Variants in MED12L observed in about 807,000 individuals in gnomAD.
MED12L encodes mediator complex subunit 12L.
In MED12L, 60 loss-of-function variants were observed where a neutral mutation model predicts 281.3. That is an observed-to-expected ratio of 0.21 (90% confidence interval 0.17 to 0.26). The LOEUF (loss-of-function observed/expected upper bound fraction) is 0.26. Ranked by LOEUF, MED12L falls within the 10% of genes least tolerant of loss-of-function variation. MED12L has a pLI of 1.00. For missense variants in MED12L, 2,146 were observed against 2,680.9 expected, an observed-to-expected ratio of 0.80 and a Z score of 4.41; for synonymous variants, 974 against 987.2, an observed-to-expected ratio of 0.99 and a Z score of 0.25.
chr3:151,233,502 G>A (rs1373824847), intron 16 of MED12L, among the ~76,000 whole-genome samples: 3 of 152,240 alleles, frequency 2.0e-5, no homozygotes, highest in Admixed American at 2.0e-4. Flanking sequence ...GGGAGGCCGA[G>A]GCTGGCGGGT....
intron 17 of MED12L, among the ~76,000 whole-genome samples, chr3:151,353,427 T>A (rs1024392693): frequency 6.6e-6 from 1 of 152,252 alleles, no homozygotes; most frequent in Admixed American, 6.5e-5. Context: ...GCAGGTTTAA[T>A]GAATTTGTTA....
chr3:151,365,885 C>T lies in MED12L; in HGVS notation c.3221C>T (p.Thr1074Met). 1.2e-6 allele frequency: 2 copies of T among 1,612,356 alleles called. No individual in the cohort carries two copies. Among genetic ancestry groups the T allele is most frequent in the Non-Finnish European group, 1.7e-6 (2 of 1,179,094 alleles). Residue 1074 changes from threonine (T) to methionine (M), a missense_variant, in exon 23 of 45, where the codon ACG becomes ATG. Around this residue, in one of 9 missense-constraint regions of MED12L, gnomAD observed 404 missense variants for 603.5 expected, o/e 0.67. Transcript: ENST00000687756. ...NDIANFSSELTACCTVLSSEW... is the reference protein window; with the variant it reads ...NDIANFSSELMACCTVLSSEW... ...ATAGCCAATTTCTCCTCTGAGCTTA[C>T]GGCTTGCTGCACTGTTCTTAGTTCA...
At chr3:151,200,388 T>C (rs1725376655) in intron 16 of MED12L, among the ~76,000 whole-genome samples, 1 of 152,224 alleles carries the variant, frequency 6.6e-6, no homozygotes, top group South Asian at 2.1e-4. Flanking sequence ...CAGTGTTCTT[T>C]TGTTTTAAAG....
Position 151,433,713 on chromosome 3 carries a change from C to T in MED12L, c.*909C>T, listed in dbSNP as rs1251922661. 6.6e-6 allele frequency: 1 copy of T among 152,640 alleles called. No homozygotes were observed. The highest frequency in any genetic ancestry group is 1.5e-5 in the Non-Finnish European group (1 of 68,046). The allele number at this position is 152,640 out of a possible 1,614,324, so 9.5% of individuals were successfully genotyped here. ...CTGGCTTGAGATTCCAGTGCTCACA[C>T]TTGACATGGTTTCCAGAGAATCTGG... On this transcript the variant is annotated 3_prime_UTR_variant, in exon 45 of 45. Coordinates refer to ENST00000687756, the MANE Select transcript of MED12L (RefSeq NM_001393769.1).
chr3:151,223,588 A>G (rs1729857922), intron 16 of MED12L, among the ~76,000 whole-genome samples: 1 of 152,266 alleles, frequency 6.6e-6, no homozygotes, highest in South Asian at 2.1e-4. Flanking sequence ...ACACAGAAAC[A>G]GAAAACCAAA....
intron 6 of MED12L, among the ~76,000 whole-genome samples, chr3:151,157,316 A>G (rs1048197220): frequency 1.1e-4 from 16 of 152,054 alleles, no homozygotes; most frequent in African/African-American, 3.9e-4. Flanking sequence ...TTAAATGTTC[A>G]TTATATTTTA....
At chr3:151,418,074 A>G (rs1401065683) in intron 43 of MED12L, among the ~76,000 whole-genome samples, 1 of 152,160 alleles carries the variant, frequency 6.6e-6, no homozygotes, top group Non-Finnish European at 1.5e-5. Flanking sequence ...ATGACAGAAA[A>G]TTTGCAAGAA....
At chr3:151,172,091 A>G (rs1314992573) in intron 11 of MED12L, among the ~76,000 whole-genome samples, 1 of 152,216 alleles carries the variant, frequency 6.6e-6, no homozygotes, top group Admixed American at 6.5e-5. Context: ...TCAGTCTTAG[A>G]CGAATGCTTA....
intron 30 of MED12L, 99 bp from the exon 31 acceptor site, chr3:151,377,913 T>C (rs1373202295): frequency 8.4e-7 from 1 of 1,185,106 alleles, no homozygotes; most frequent in African/African-American, 1.5e-5. Flanking sequence ...ACAGTCTGTG[T>C]GTCTCATACA....
chr3:151,086,900 T>A lies in MED12L; in HGVS notation c.-27T>A. The A allele has an allele frequency of 1.3e-6, 2 of 1,551,662 alleles. No homozygotes were observed. Among genetic ancestry groups the A allele is most frequent in the Non-Finnish European group, 1.7e-6 (2 of 1,145,582 alleles). On this transcript the variant is annotated 5_prime_UTR_variant, in exon 2 of 45. Coordinates refer to ENST00000687756, the MANE Select transcript of MED12L (RefSeq NM_001393769.1). ...CGGCTGCTCCAGCTCCAACTCTCAT[T>A]CATTTCGCCGGTTAACATGAGAGAT...
chr3:151,162,431 T>C (rs1048712271), intron 8 of MED12L, among the ~76,000 whole-genome samples: 1 of 152,112 alleles, frequency 6.6e-6, no homozygotes, highest in African/African-American at 2.4e-5. Flanking sequence ...GATGAATTGA[T>C]TGAGACAGGG....
chr3:151,323,769 GC>G (rs1208430126), intron 16 of MED12L, among the ~76,000 whole-genome samples: 1 of 152,144 alleles, frequency 6.6e-6, no homozygotes, highest in Non-Finnish European at 1.5e-5. Context: ...GATGCAAAAG[GC>G]CCTGTACCCA....
intron 38 of MED12L, among the ~76,000 whole-genome samples, chr3:151,392,709 T>C (rs1313769105): frequency 6.6e-6 from 1 of 151,994 alleles, no homozygotes; most frequent in Non-Finnish European, 1.5e-5. Flanking sequence ...TACACACCAG[T>C]ATTATAAAGT....
At chr3:151,193,819 T>C (rs1434978708) in intron 16 of MED12L, 153 bp downstream of exon 16, 1 of 628,782 alleles carries the variant, frequency 1.6e-6, no homozygotes, top group Admixed American at 3.0e-5. Flanking sequence ...ATTCTGATCT[T>C]AAGCTTATGT....
intron 16 of MED12L, among the ~76,000 whole-genome samples, chr3:151,262,087 T>C (rs1422394012): frequency 6.6e-6 from 1 of 152,202 alleles, no homozygotes; most frequent in Non-Finnish European, 1.5e-5. Flanking sequence ...AAACTACTAT[T>C]TTTTAATAGC....
At chr3:151,214,276 C>T in intron 16 of MED12L, 1 of 1,613,882 alleles carries the variant, frequency 6.2e-7, no homozygotes, top group Admixed American at 1.7e-5. Context: ...GTTCTGAGAG[C>T]AGGATTCATC....
intron 5 of MED12L, among the ~76,000 whole-genome samples, chr3:151,132,925 G>A (rs527931826): frequency 1.3e-5 from 2 of 152,324 alleles, no homozygotes; most frequent in South Asian, 4.1e-4. Flanking sequence ...CCTAGCAAGG[G>A]ATACAGCCAA....
intron 2 of MED12L, among the ~76,000 whole-genome samples, chr3:151,108,918 C>T (rs1332609509): frequency 6.6e-6 from 1 of 152,110 alleles, no homozygotes; most frequent in African/African-American, 2.4e-5. Flanking sequence ...AAAATGTTTT[C>T]ACTTTCCCAG....
intron 16 of MED12L, among the ~76,000 whole-genome samples, chr3:151,224,689 A>G (rs1051744112): frequency 6.6e-5 from 10 of 152,134 alleles, no homozygotes; most frequent in African/African-American, 2.4e-4. Flanking sequence ...ATCTTTTGTC[A>G]TCACCCAGAG....
Sources: gnomAD v4.1 joint callset for allele counts (sites outside exome capture counted in the v4.1 genomes callset) on GRCh38, gnomAD v4.1.1 for gene constraint, gnomAD v4.1.1 regional missense constraint, MANE v1.5 for transcripts, NCBI Gene and HGNC (gene_info 2026-07-23, HGNC 2026-07-21) for gene names.